The following ZC3H12B variants were observed in gnomAD, a reference collection of about 807,000 sequenced individuals.
ZC3H12B encodes zinc finger CCCH-type containing 12B, also known as probable ribonuclease ZC3H12B.
Under a neutral mutation model 43.9 loss-of-function variants are expected in ZC3H12B, and 7 were observed. That is an observed-to-expected ratio of 0.16 (90% confidence interval 0.09 to 0.30). The LOEUF is 0.30. Among genes scored for constraint, ZC3H12B ranks in the 10% least tolerant of loss-of-function variants. The pLI is 1.00. For missense variants in ZC3H12B, 475 were observed against 670.2 expected, an observed-to-expected ratio of 0.71 and a Z score of 3.22; for synonymous variants, 222 against 241.7, an observed-to-expected ratio of 0.92 and a Z score of 0.76.
At chrX:65,073,906 C>T in the ZC3H12B span, among the ~76,000 whole-genome samples, 4 of 111,715 alleles carry the variant, frequency 3.6e-5, no homozygotes, top group Non-Finnish European at 5.6e-5. Flanking sequence ...TCTGGTCTTT[C>T]CTCCATCCAC....
the ZC3H12B span, among the ~76,000 whole-genome samples, chrX:65,237,529 T>C: frequency 9.3e-6 from 1 of 107,893 alleles, no homozygotes. Flanking sequence ...TTTGACTTCC[T>C]GTTTTTCTAG....
intron 3 of ZC3H12B, among the ~76,000 whole-genome samples, chrX:65,461,878 A>C (rs115438040): frequency 9.0e-6 from 1 of 111,001 alleles, no homozygotes; most frequent in African/African-American, 3.2e-5. Context: ...AAAAATTTAT[A>C]CTCAAATAAT....
rs138026756 is a variant in ZC3H12B, at chrX:65,422,783, T to C, written n.407+24079T>C. ...GCCATTTATGAATGAGAACATGAGA[T>C]GTTTGGTTTTCTGTTCCTGTGTTAG... On this transcript the variant is annotated intron_variant and non_coding_transcript_variant, in intron 3 of 5. Transcript: ENST00000617377. 5.8e-3 allele frequency among the ~76,000 whole-genome samples: 640 copies of C among 110,862 alleles called. 6 individuals carry two copies. Among genetic ancestry groups the C allele is most frequent in the African/African-American group, 0.019 (594 of 30,491 alleles).
the ZC3H12B span, among the ~76,000 whole-genome samples, chrX:65,057,279 G>T: frequency 9.0e-6 from 1 of 111,490 alleles, no homozygotes; most frequent in Non-Finnish European, 1.9e-5. Flanking sequence ...GGCAGGCCTG[G>T]TGGTGACAAA....
chrX:65,300,479 C>A, the ZC3H12B span, among the ~76,000 whole-genome samples: 2 of 111,190 alleles, frequency 1.8e-5, no homozygotes, highest in African/African-American at 6.5e-5. Flanking sequence ...GAGAAAAAGA[C>A]CCCCATCCCC....
At chrX:65,425,156 T>C (rs1449851675) in intron 3 of ZC3H12B, among the ~76,000 whole-genome samples, 2 of 111,921 alleles carry the variant, frequency 1.8e-5, no homozygotes, top group African/African-American at 6.5e-5. Context: ...CAGTGGTTTC[T>C]AGCTCTCCTT....
chrX:65,290,453 T>TA, the ZC3H12B span, among the ~76,000 whole-genome samples: 18 of 110,450 alleles, frequency 1.6e-4, no homozygotes, highest in South Asian at 7.5e-4. Context: ...AGTAAATAAA[T>TA]AAAAAAAACC....
At chrX:65,474,271 A>C (rs1029330885) in intron 3 of ZC3H12B, among the ~76,000 whole-genome samples, 1 of 111,503 alleles carries the variant, frequency 9.0e-6, no homozygotes, top group Non-Finnish European at 1.9e-5. Context: ...TGTCTGATAT[A>C]AGTATGACCA....
chrX:65,048,961 AT>A, the ZC3H12B span, among the ~76,000 whole-genome samples: 2 of 111,491 alleles, frequency 1.8e-5, no homozygotes, highest in Admixed American at 1.9e-4. Flanking sequence ...CTTCTTAGCC[AT>A]TTGCATGTCT....
At chrX:65,249,689 A>T in the ZC3H12B span, among the ~76,000 whole-genome samples, 1 of 111,164 alleles carries the variant, frequency 9.0e-6, no homozygotes, top group African/African-American at 3.3e-5. Context: ...ATCCACGAGC[A>T]TGGGATATGT....
the ZC3H12B span, among the ~76,000 whole-genome samples, chrX:65,302,944 G>C: frequency 7.2e-5 from 8 of 111,404 alleles, no homozygotes; most frequent in African/African-American, 2.6e-4. Flanking sequence ...TGAATAACTG[G>C]ATCTCTGCAT....
the ZC3H12B span, among the ~76,000 whole-genome samples, chrX:65,170,758 T>C: frequency 9.0e-6 from 1 of 111,471 alleles, no homozygotes; most frequent in African/African-American, 3.3e-5. Context: ...TCTCTAAACT[T>C]CTCTTCTCAC....
chrX:65,263,040 A>G, the ZC3H12B span, among the ~76,000 whole-genome samples: 1 of 111,039 alleles, frequency 9.0e-6, no homozygotes, highest in African/African-American at 3.3e-5. Flanking sequence ...TAACTGTATG[A>G]CTTTGGGCAA....
At chrX:65,137,874 G>T in the ZC3H12B span, among the ~76,000 whole-genome samples, 2 of 112,525 alleles carry the variant, frequency 1.8e-5, no homozygotes, top group African/African-American at 6.5e-5. Flanking sequence ...TATTGCCCAG[G>T]CTGTAGGGCA....
the ZC3H12B span, among the ~76,000 whole-genome samples, chrX:65,117,012 A>G: frequency 8.9e-6 from 1 of 111,986 alleles, no homozygotes; most frequent in Non-Finnish European, 1.9e-5. Context: ...TAGTGCCACA[A>G]TAAACATACA....
chrX:65,221,000 T>C, the ZC3H12B span, among the ~76,000 whole-genome samples: 1 of 111,641 alleles, frequency 9.0e-6, no homozygotes, highest in Admixed American at 9.5e-5. Context: ...TATCAAGTAC[T>C]CTTTCAGACC....
At chrX:65,169,836 A>G in the ZC3H12B span, among the ~76,000 whole-genome samples, 1 of 111,783 alleles carries the variant, frequency 8.9e-6, no homozygotes, top group South Asian at 3.7e-4. Flanking sequence ...AGTCTGTTTC[A>G]TCAGAGACTA....
At chrX:65,313,673 C>T in the ZC3H12B span, among the ~76,000 whole-genome samples, 1 of 112,504 alleles carries the variant, frequency 8.9e-6, no homozygotes, top group East Asian at 2.8e-4. Context: ...ACCAGGTTAA[C>T]TGCCTGCTAA....
chrX:65,373,983 ACT>A (rs2066298474), intron 2 of ZC3H12B, among the ~76,000 whole-genome samples: 2 of 11,101 alleles, frequency 1.8e-4, no homozygotes, highest in South Asian at 5.1e-3. Context: ...ATATATATAT[ACT>A]ATATATATAT....
Sources: allele counts gnomAD v4.1 joint callset (sites outside exome capture counted in the v4.1 genomes callset), GRCh38; gene constraint gnomAD v4.1.1; transcripts MANE v1.5; gene names NCBI Gene and HGNC (gene_info 2026-07-23, HGNC 2026-07-21).